The following SESTD1 variants were observed in gnomAD, a reference collection of about 807,000 sequenced individuals.
SESTD1 encodes SEC14 domain and spectrin repeat-containing protein 1.
In SESTD1, 43 loss-of-function variants were observed where a neutral mutation model predicts 101.7. The observed-to-expected ratio is 0.42, with a 90% CI of 0.33 to 0.55. SESTD1 has a LOEUF of 0.55. Ranked by LOEUF, SESTD1 falls within the 20% of genes least tolerant of loss-of-function variation. The pLI is 0.07. For missense variants in SESTD1, 647 were observed against 815.1 expected, an observed-to-expected ratio of 0.79 and a Z score of 2.51; for synonymous variants, 283 against 286.8, an observed-to-expected ratio of 0.99 and a Z score of 0.13.
At chr2:179,246,929 C>T (rs1318549918) in intron 1 of SESTD1, among the ~76,000 whole-genome samples, 2 of 152,158 alleles carry the variant, frequency 1.3e-5, no homozygotes, top group East Asian at 3.8e-4. Context: ...CTGACCAAAT[C>T]CAACTTTGAG....
At chr2:179,263,570 A>G (rs2047512825) in intron 1 of SESTD1, among the ~76,000 whole-genome samples, 1 of 152,168 alleles carries the variant, frequency 6.6e-6, no homozygotes, top group African/African-American at 2.4e-5. Context: ...GTGAAGTAAG[A>G]GACGACCTGT....
rs190477780 is a variant in SESTD1 at position 179,259,133 on chromosome 2, C to T, written c.-26+5366G>A. Reference sequence around the variant, plus strand: ...AATTCCTGCACCTTTGTTTCTTTATCTATTAGAAAGGGAAATGGAAATCAT... The same window carrying T: ...AATTCCTGCACCTTTGTTTCTTTATTTATTAGAAAGGGAAATGGAAATCAT... On this transcript the variant is annotated intron_variant, in intron 1 of 17. Coordinates refer to ENST00000428443, the MANE Select transcript of SESTD1 (RefSeq NM_178123.5). Among the ~76,000 whole-genome samples, 8 of 152,246 alleles carry T rather than the reference C, an allele frequency of 5.3e-5. No individual in the cohort carries two copies. The East Asian group carries it at 1.4e-3, about 26-fold the overall frequency.
chr2:179,210,269 T>C lies in SESTD1; in HGVS notation c.-25-18403A>G, dbSNP rs776211892. 4.5e-5 allele frequency among the ~76,000 whole-genome samples: 6 copies of C among 132,718 alleles called. 1 individual carries two copies. The highest frequency in any genetic ancestry group is 3.6e-4 in the Admixed American group (5 of 13,846). 87.1% of individuals were successfully genotyped at this position (132,718 alleles called of 152,430 possible). On this transcript the variant is annotated intron_variant, in intron 1 of 17. Transcript: ENST00000428443. ...ATTCTATCAAACATTCAAAGAAGAA[T>C]TGGTATCAATACTACTGAAAGTATT...
chr2:179,240,541 C>T (rs1041807436), intron 1 of SESTD1, among the ~76,000 whole-genome samples: 2 of 151,986 alleles, frequency 1.3e-5, no homozygotes, highest in Non-Finnish European at 2.9e-5. Flanking sequence ...AACCGGCAAC[C>T]TGGAAATAAC....
At chr2:179,110,973 A>C (rs1472868183) in intron 17 of SESTD1, among the ~76,000 whole-genome samples, 1 of 152,260 alleles carries the variant, frequency 6.6e-6, no homozygotes, top group Non-Finnish European at 1.5e-5. Context: ...AGGAAATGAC[A>C]CATGGACTAT....
At chr2:179,205,197 CTTT>C (rs562590131) in intron 1 of SESTD1, among the ~76,000 whole-genome samples, 2 of 114,964 alleles carry the variant, frequency 1.7e-5, no homozygotes, top group Admixed American at 8.4e-5. Flanking sequence ...ACACTTAAGG[CTTT>C]TTTTTTTTTT....
At chr2:179,116,330 C>A (rs1383440625) in intron 15 of SESTD1, among the ~76,000 whole-genome samples, 2 of 151,156 alleles carry the variant, frequency 1.3e-5, no homozygotes, top group African/African-American at 4.9e-5. Context: ...ATTATGCTAA[C>A]ACTAGTGTGA....
In SESTD1 at chr2:179,124,364, AT is replaced by A; in HGVS notation, c.1166del (p.Asp389ValfsTer10). 6.2e-7 allele frequency: 1 copy of A among 1,613,556 alleles called. No homozygotes were observed. The highest frequency in any genetic ancestry group is 8.5e-7 in the Non-Finnish European group (1 of 1,179,588). Reference protein sequence around the residue: ...AALEFHGVAQDLSQQLDGLLG... With the variant: ...AALEFHGVAQXLSQQLDGLLG... ...GAAAAGAATCAGAATAGACACTTAC[AT>A]CTTGGGCAACACCATGAAATTCAAG... On this transcript the variant is annotated frameshift_variant and splice_region_variant, in exon 11 of 18. Coordinates refer to ENST00000428443, the MANE Select transcript of SESTD1 (RefSeq NM_178123.5). LOFTEE classifies it high-confidence loss of function.
chr2:179,106,929 A>C lies in SESTD1; in HGVS notation c.*2970T>G, dbSNP rs1354645516. On this transcript the variant is annotated 3_prime_UTR_variant, in exon 18 of 18. Transcript: ENST00000428443. ...TATTAAGCTTACACAGGAGCAAACAAATGATAAAAGAAAAAAAAAATCCTC... is the reference window on the plus strand; with the variant it reads ...TATTAAGCTTACACAGGAGCAAACACATGATAAAAGAAAAAAAAAATCCTC... 6.6e-6 allele frequency: 1 copy of C among 152,102 alleles called. No homozygotes were observed. The highest frequency in any genetic ancestry group is 1.9e-4 in the East Asian group (1 of 5,180). The allele number at this position is 152,102 out of a possible 1,614,324, so 9.4% of individuals were successfully genotyped here. A position where few individuals can be genotyped will look rare whatever the true frequency, so the allele number is the denominator to read the frequency against.
At chr2:179,122,568 A>G (rs2044777139) in intron 12 of SESTD1, among the ~76,000 whole-genome samples, 1 of 152,202 alleles carries the variant, frequency 6.6e-6, no homozygotes, top group African/African-American at 2.4e-5. Flanking sequence ...TAAACACTAA[A>G]TATGTATTAT....
rs140522117 is a variant in SESTD1 at position 179,142,501 on chromosome 2, A to G, written c.849+1091T>C. Among the ~76,000 whole-genome samples, 299 of 152,320 alleles carry G rather than the reference A, an allele frequency of 2.0e-3. 2 individuals carry two copies. Among genetic ancestry groups the G allele is most frequent in the African/African-American group, 6.8e-3 (281 of 41,566 alleles). ...GGGGTGAAGTATCGTGAATGGTCAC[A>G]CAGCTAAGTGAAGAAACTGGGATTG... On this transcript the variant is annotated intron_variant, in intron 9 of 17. Coordinates refer to ENST00000428443, the MANE Select transcript of SESTD1 (RefSeq NM_178123.5).
At position 179,108,622 on chromosome 2, in the gene SESTD1, C is replaced by T. The variant is rs549434955; in HGVS notation, c.*1277G>A. ...GGTTTTTTTTTTGCATTGGAAGATA[C>T]ACGAGCATGTTTGTAGACCTCAAAA... On this transcript the variant is annotated 3_prime_UTR_variant, in exon 18 of 18. Coordinates refer to ENST00000428443, the MANE Select transcript of SESTD1 (RefSeq NM_178123.5). 2.0e-5 allele frequency: 3 copies of T among 151,072 alleles called. No individual in the cohort carries two copies. The highest frequency in any genetic ancestry group is 4.4e-5 in the Non-Finnish European group (3 of 67,804). 9.4% of individuals were successfully genotyped at this position (151,072 alleles called of 1,614,324 possible).
At chr2:179,168,479 C>T (rs57469876) in intron 5 of SESTD1, among the ~76,000 whole-genome samples, 16,832 of 151,910 alleles carry the variant, frequency 0.11, 1,144 homozygotes, top group South Asian at 0.23. Flanking sequence ...CTGGCCCTAA[C>T]CCCTGCATTG....
intron 1 of SESTD1, among the ~76,000 whole-genome samples, chr2:179,220,534 T>A (rs2046800497): frequency 6.6e-6 from 1 of 152,140 alleles, no homozygotes; most frequent in Non-Finnish European, 1.5e-5. Flanking sequence ...TTAGATGAGC[T>A]CTCTACCTGT....
intron 7 of SESTD1, among the ~76,000 whole-genome samples, chr2:179,147,392 C>T (rs1222627330): frequency 6.7e-6 from 1 of 148,896 alleles, no homozygotes; most frequent in Non-Finnish European, 1.5e-5. Flanking sequence ...GACGGAGTCT[C>T]GCTCTGTCAC....
intron 8 of SESTD1, 32 bp downstream of exon 8, chr2:179,146,370 G>A (rs1276385981): frequency 1.3e-6 from 2 of 1,550,378 alleles, no homozygotes; most frequent in East Asian, 4.5e-5. Context: ...TGGTTTACTG[G>A]ATTATTATCA....
chr2:179,138,894 A>G (rs1238975056), intron 9 of SESTD1, among the ~76,000 whole-genome samples: 1 of 145,790 alleles, frequency 6.9e-6, no homozygotes, highest in Non-Finnish European at 1.5e-5. Context: ...AAAAAAAAAA[A>G]AAAAAATCCT....
chr2:179,249,613 T>G (rs2047285306), intron 1 of SESTD1, among the ~76,000 whole-genome samples: 1 of 152,144 alleles, frequency 6.6e-6, no homozygotes, highest in Admixed American at 6.6e-5. Flanking sequence ...TAAATGCAAT[T>G]CCTAGCATAA....
At chr2:179,149,059 C>CAAAAAA (rs66636048) in intron 7 of SESTD1, among the ~76,000 whole-genome samples, 27 of 60,412 alleles carry the variant, frequency 4.5e-4, no homozygotes, top group Admixed American at 5.9e-4. Context: ...GACTCCGTCT[C>CAAAAAA]AAAAAAAAAA....
Sources: allele counts gnomAD v4.1 joint callset (sites outside exome capture counted in the v4.1 genomes callset), GRCh38; gene constraint gnomAD v4.1.1; transcripts MANE v1.5; gene names NCBI Gene and HGNC (gene_info 2026-07-23, HGNC 2026-07-21).